ILDR1: variants seen among roughly 807,000 people sequenced by gnomAD.
ILDR1 encodes immunoglobulin-like domain-containing receptor 1.
A neutral mutation model predicts 62.4 loss-of-function variants in ILDR1; 56 were observed. That is an observed-to-expected ratio of 0.90 (90% CI 0.72 to 1.12). ILDR1 has a LOEUF of 1.12. ILDR1 is among the 50% of genes most tolerant of loss of function. ILDR1 has a pLI of 0.00. For synonymous variants in ILDR1, 284 were observed against 277.8 expected (o/e 1.02, Z -0.22); for missense variants, 736 against 710.6 (o/e 1.04, Z -0.41).
At position 121,988,124 on chromosome 3, in the gene ILDR1, G is replaced by A. The variant is rs910836218; in HGVS notation, c.*243C>T. The A allele has an allele frequency of 2.5e-5, 15 of 599,192 alleles. No individual in the cohort carries two copies. The highest frequency in any genetic ancestry group is 8.9e-4 in the Middle Eastern group (2 of 2,248). 37.1% of individuals were successfully genotyped at this position (599,192 alleles called of 1,614,324 possible). ...GACGGGGTCTCACTATGTTTCCCAG[G>A]CTGATCTTGAACTCCTAGTCTCAAG... On this transcript the variant is annotated 3_prime_UTR_variant, in exon 8 of 8. Coordinates refer to ENST00000344209, the MANE Select transcript of ILDR1 (RefSeq NM_001199799.2).
chr3:122,008,919 T>C (rs1192112766), intron 1 of ILDR1, among the ~76,000 whole-genome samples: 1 of 150,242 alleles, frequency 6.7e-6, no homozygotes, highest in Non-Finnish European at 1.5e-5. Context: ...GCCTTCTTTT[T>C]TTCTTTCTTT....
At chr3:121,997,335 C>T (rs1433807990) in intron 5 of ILDR1, among the ~76,000 whole-genome samples, 3 of 152,222 alleles carry the variant, frequency 2.0e-5, no homozygotes, top group Non-Finnish European at 2.9e-5. Context: ...CCTTTGAACT[C>T]TTGTCATTTT....
intron 1 of ILDR1, among the ~76,000 whole-genome samples, chr3:122,010,949 T>C (rs905926172): frequency 1.3e-5 from 2 of 152,232 alleles, no homozygotes; most frequent in Non-Finnish European, 2.9e-5. Context: ...GGGACTTGTC[T>C]GTGGTCATTC....
chr3:121,998,259 G>A (rs1383112782), intron 5 of ILDR1, among the ~76,000 whole-genome samples: 1 of 152,148 alleles, frequency 6.6e-6, no homozygotes, highest in African/African-American at 2.4e-5. Context: ...ACTTCTTAAT[G>A]CTTCACTTTA....
the ILDR1 span, among the ~76,000 whole-genome samples, chr3:122,042,005 CGCTGCA>C: frequency 7.5e-6 from 1 of 134,050 alleles, no homozygotes. Context: ...CATGCTGGTG[CGCTGCA>C]CCCACTAACT....
Position 121,993,268 on chromosome 3 carries a change from GC to G in ILDR1, c.1480del (p.Ala494ProfsTer86). 1 of 1,613,178 alleles carries G rather than the reference GC, an allele frequency of 6.2e-7. No individual in the cohort carries two copies. The highest frequency in any genetic ancestry group is 2.2e-5 in the East Asian group (1 of 44,852). ...DKERQPQSWRAHRRGSHSPHW... is the reference protein window; with the variant it reads ...DKERQPQSWRXHRRGSHSPHW... The stretch of plus-strand genomic sequence containing the variant: ...TGGGGAGTGCGAGCCGCGGCGGTGG[GC>G]CCGCCAGCTCTGGGGCTGCCTCTCC... On this transcript the variant is annotated frameshift_variant, in exon 7 of 8. Transcript: ENST00000344209. LOFTEE classifies it high-confidence loss of function.
At chr3:122,057,110 T>C in the ILDR1 span, among the ~76,000 whole-genome samples, 1 of 152,214 alleles carries the variant, frequency 6.6e-6, no homozygotes, top group South Asian at 2.1e-4. Flanking sequence ...AAGAACCCTC[T>C]ATCTTGCTAA....
chr3:122,037,734 A>C, the ILDR1 span, among the ~76,000 whole-genome samples: 1 of 152,248 alleles, frequency 6.6e-6, no homozygotes, highest in African/African-American at 2.4e-5. Flanking sequence ...GAAGAACATG[A>C]GATTTTGGAG....
chr3:122,046,690 C>G, the ILDR1 span, among the ~76,000 whole-genome samples: 1 of 147,788 alleles, frequency 6.8e-6, no homozygotes, highest in African/African-American at 2.5e-5. Context: ...TGCTGATACC[C>G]TTTCTTCCAG....
the ILDR1 span, among the ~76,000 whole-genome samples, chr3:122,033,139 A>G: frequency 6.6e-6 from 1 of 152,208 alleles, no homozygotes; most frequent in African/African-American, 2.4e-5. Flanking sequence ...GTTGTTCCAC[A>G]TCCTTGGCAA....
chr3:122,045,129 GTTGGT>G, the ILDR1 span, among the ~76,000 whole-genome samples: 1 of 151,206 alleles, frequency 6.6e-6, no homozygotes, highest in Non-Finnish European at 1.5e-5. Context: ...CTTTGTTCTC[GTTGGT>G]TTCAAAGAAC....
chr3:122,035,844 G>C, the ILDR1 span, among the ~76,000 whole-genome samples: 1 of 152,220 alleles, frequency 6.6e-6, no homozygotes, highest in African/African-American at 2.4e-5. Context: ...CCAGGAAAGT[G>C]GGGGATTGCT....
At chr3:122,028,573 T>C in the ILDR1 span, among the ~76,000 whole-genome samples, 1 of 152,188 alleles carries the variant, frequency 6.6e-6, no homozygotes, top group Non-Finnish European at 1.5e-5. Flanking sequence ...ATTGGAAATA[T>C]ATAAAGAACT....
chr3:122,002,962 T>C (rs2071550905), intron 3 of ILDR1, among the ~76,000 whole-genome samples: 1 of 152,234 alleles, frequency 6.6e-6, no homozygotes, highest in Non-Finnish European at 1.5e-5. Context: ...AAATGAATGG[T>C]TAATATTTAT....
intron 1 of ILDR1, among the ~76,000 whole-genome samples, chr3:122,007,673 C>T (rs2071635947): frequency 6.6e-6 from 1 of 152,174 alleles, no homozygotes; most frequent in Non-Finnish European, 1.5e-5. Context: ...CAGTCCTTCC[C>T]ATGCTAAGAC....
At chr3:122,034,916 G>A in the ILDR1 span, among the ~76,000 whole-genome samples, 4 of 152,156 alleles carry the variant, frequency 2.6e-5, no homozygotes, top group Non-Finnish European at 4.4e-5. Context: ...CATGAGAACA[G>A]GATGGGAAAG....
chr3:122,046,960 G>A, the ILDR1 span, among the ~76,000 whole-genome samples: 2 of 144,418 alleles, frequency 1.4e-5, no homozygotes, highest in Admixed American at 1.4e-4. Context: ...CGTTGCTGGT[G>A]AGGAACTGCG....
At chr3:122,060,395 G>A in the ILDR1 span, among the ~76,000 whole-genome samples, 1 of 152,080 alleles carries the variant, frequency 6.6e-6, no homozygotes, top group Non-Finnish European at 1.5e-5. Context: ...GATAAAATGA[G>A]ACCTCCTCAC....
Position 121,993,187 on chromosome 3 carries a change from T to C in ILDR1, c.1562A>G (p.Lys521Arg). 3 of 1,612,608 alleles carry C rather than the reference T, an allele frequency of 1.9e-6. No individual in the cohort carries two copies. Among genetic ancestry groups the C allele is most frequent in the Non-Finnish European group, 2.5e-6 (3 of 1,179,378 alleles). ...CACACTCCCTTTTTTCCTGCTATTC[T>C]TGCCTGGAGTGATATCAAGTGAGCG... ...SYRSLDITPG[K>R]NSRKKGSVER... Residue 521 changes from lysine (K) to arginine (R), a missense_variant, in exon 7 of 8, where the codon AAG (lysine) becomes AGG (arginine). Lys to Arg is a conservative substitution (Grantham distance 26). Coordinates refer to ENST00000344209, the MANE Select transcript of ILDR1 (RefSeq NM_001199799.2).
Sources: gnomAD v4.1 joint callset for allele counts (sites outside exome capture counted in the v4.1 genomes callset) on GRCh38, gnomAD v4.1.1 for gene constraint, MANE v1.5 for transcripts, NCBI Gene and HGNC (gene_info 2026-07-23, HGNC 2026-07-21) for gene names.